The following FSIP1 variants were observed in gnomAD, a reference collection of about 807,000 sequenced individuals.
The protein encoded by FSIP1 is fibrous sheath interacting protein 1.
Under a neutral mutation model 60.9 loss-of-function variants are expected in FSIP1, and 65 were observed. That is an observed-to-expected ratio of 1.07 (90% CI 0.87 to 1.31). The LOEUF (loss-of-function observed/expected upper bound fraction) is 1.31. FSIP1 is among the 40% of genes most tolerant of loss of function. The pLI is 0.00. For synonymous variants in FSIP1, 209 were observed against 221.2 expected (o/e 0.94, Z 0.49); for missense variants, 675 against 665.5 (o/e 1.01, Z -0.16).
intron 10 of FSIP1, among the ~76,000 whole-genome samples, chr15:39,623,793 C>A (rs1177115075): frequency 1.3e-5 from 2 of 152,148 alleles, no homozygotes; most frequent in African/African-American, 4.8e-5. Flanking sequence ...AACCACCAGG[C>A]ACCAGTCATG....
intron 10 of FSIP1, among the ~76,000 whole-genome samples, chr15:39,689,756 AG>A (rs1339132969): frequency 1.1e-4 from 16 of 152,262 alleles, no homozygotes; most frequent in African/African-American, 3.9e-4. Flanking sequence ...AATAATAGTA[AG>A]ATTAGTTATC....
chr15:39,703,143 C>T (rs375728693), intron 10 of FSIP1, among the ~76,000 whole-genome samples: 1 of 152,026 alleles, frequency 6.6e-6, no homozygotes, highest in Non-Finnish European at 1.5e-5. Flanking sequence ...CCACCACACC[C>T]GGCTAATTTT....
intron 11 of FSIP1, among the ~76,000 whole-genome samples, chr15:39,606,476 C>T (rs1233632589): frequency 6.6e-6 from 1 of 152,140 alleles, no homozygotes; most frequent in Non-Finnish European, 1.5e-5. Flanking sequence ...ACATTCAAAA[C>T]CTTCTCTTCT....
chr15:39,731,136 T>C (rs73395265), intron 8 of FSIP1, among the ~76,000 whole-genome samples: 2,541 of 152,274 alleles, frequency 0.017, 70 homozygotes, highest in African/African-American at 0.055. Context: ...AGGATTATGA[T>C]ATAGTCATAA....
intron 9 of FSIP1, among the ~76,000 whole-genome samples, chr15:39,719,122 G>A (rs1187530497): frequency 6.6e-6 from 1 of 152,174 alleles, no homozygotes; most frequent in Non-Finnish European, 1.5e-5. Flanking sequence ...CCAAGAGGGG[G>A]CAAGAAAAGG....
chr15:39,672,733 A>T (rs544272477), intron 10 of FSIP1, among the ~76,000 whole-genome samples: 10 of 152,328 alleles, frequency 6.6e-5, no homozygotes, highest in African/African-American at 2.4e-4. Flanking sequence ...TCTGAAGACC[A>T]CATAGCTGGT....
Position 39,687,135 on chromosome 15 carries a change from TCC to T in FSIP1, c.1188+26307_1188+26308del, listed in dbSNP as rs368389703. 7.7e-4 allele frequency among the ~76,000 whole-genome samples: 66 copies of T among 85,960 alleles called. 4 individuals carry two copies. Among genetic ancestry groups the T allele is most frequent in the African/African-American group, 1.7e-3 (35 of 20,406 alleles). The allele number at this position is 85,960 out of a possible 152,430, so 56.4% of individuals were successfully genotyped here. A position where few individuals can be genotyped will look rare whatever the true frequency, so the allele number is the denominator to read the frequency against. ...TCACCTTTCTTTCTTTCTTTTCTTT[TCC>T]TTTTTTTTTTTTTTTTTTTTTTTTT... On this transcript the variant is annotated intron_variant, in intron 10 of 11. Coordinates refer to ENST00000350221, the MANE Select transcript of FSIP1 (RefSeq NM_152597.5).
intron 11 of FSIP1, among the ~76,000 whole-genome samples, chr15:39,610,039 T>A (rs1354698784): frequency 6.6e-6 from 1 of 152,040 alleles, no homozygotes; most frequent in Non-Finnish European, 1.5e-5. Flanking sequence ...TTTCCTCAAA[T>A]GTGTAGACAA....
chr15:39,763,673 T>C, intron 5 of FSIP1, 148 bp downstream of exon 5: 1 of 559,654 alleles, frequency 1.8e-6, no homozygotes, highest in East Asian at 2.9e-5. Context: ...TTTCATATAA[T>C]CCTACCTAAT....
chr15:39,727,917 T>G (rs1444309981), intron 8 of FSIP1, among the ~76,000 whole-genome samples: 1 of 152,198 alleles, frequency 6.6e-6, no homozygotes, highest in African/African-American at 2.4e-5. Flanking sequence ...CTCCTATATT[T>G]GACAAACAAC....
At position 39,632,748 on chromosome 15, in the gene FSIP1, G is replaced by A. The variant is rs915600284; in HGVS notation, c.1189-14503C>T. On this transcript the variant is annotated intron_variant, in intron 10 of 11. Coordinates refer to ENST00000350221, the MANE Select transcript of FSIP1 (RefSeq NM_152597.5). Reference sequence around the variant, plus strand: ...TCAGAGGTTGCAGTGAGCCGAGATCGGCCACTGCACTCCAACCTGGTGACA... The same window carrying A: ...TCAGAGGTTGCAGTGAGCCGAGATCAGCCACTGCACTCCAACCTGGTGACA... 4.6e-5 allele frequency among the ~76,000 whole-genome samples: 7 copies of A among 151,954 alleles called. No individual in the cohort carries two copies. In the South Asian group the frequency reaches 6.2e-4, roughly 14 times the overall value.
chr15:39,679,840 A>G (rs16969556), intron 10 of FSIP1, among the ~76,000 whole-genome samples: 4,916 of 152,270 alleles, frequency 0.032, 257 homozygotes, highest in African/African-American at 0.11. Context: ...ACTTGTCACA[A>G]ATGCAAATTT....
At chr15:39,655,950 T>G (rs1417589214) in intron 10 of FSIP1, among the ~76,000 whole-genome samples, 1 of 152,016 alleles carries the variant, frequency 6.6e-6, no homozygotes, top group Non-Finnish European at 1.5e-5. Context: ...AAAAGAAGTG[T>G]TCAGGAAGAA....
At chr15:39,751,418 A>AACACACACACACACACACACAC (rs3065153) in intron 5 of FSIP1, among the ~76,000 whole-genome samples, 3 of 144,754 alleles carry the variant, frequency 2.1e-5, no homozygotes, top group Non-Finnish European at 4.6e-5. Context: ...GTAATACATA[A>AACACACACACACACACACACAC]ACACACACAC....
At chr15:39,602,948 G>A (rs536703559) in intron 11 of FSIP1, among the ~76,000 whole-genome samples, 5 of 152,196 alleles carry the variant, frequency 3.3e-5, no homozygotes, top group East Asian at 1.9e-4. Context: ...CTAGAACAAC[G>A]GTCCTCAACT....
At position 39,690,366 on chromosome 15, in the gene FSIP1, C is replaced by T. The variant is rs139667125; in HGVS notation, c.1188+23078G>A. Among the ~76,000 whole-genome samples the T allele has an allele frequency of 5.1e-3, 783 of 152,244 alleles. 7 individuals carry two copies. The highest frequency in any genetic ancestry group is 0.018 in the African/African-American group (735 of 41,530). On this transcript the variant is annotated intron_variant, in intron 10 of 11. Coordinates refer to ENST00000350221, the MANE Select transcript of FSIP1 (RefSeq NM_152597.5). ...AGAAGGAGCAGTTAATGTGGTAAGA[C>T]AGAGATAAAGGATTTGAAAGACATT...
chr15:39,720,583 A>G (rs1895916528), intron 9 of FSIP1, among the ~76,000 whole-genome samples: 1 of 152,246 alleles, frequency 6.6e-6, no homozygotes, highest in Non-Finnish European at 1.5e-5. Flanking sequence ...CTTGTATATA[A>G]CAGCCAAATG....
chr15:39,603,613 G>C (rs573631249), intron 11 of FSIP1, among the ~76,000 whole-genome samples: 3 of 152,324 alleles, frequency 2.0e-5, no homozygotes, highest in South Asian at 2.1e-4. Flanking sequence ...ACTCAAGGGA[G>C]GGTCCCAGGG....
chr15:39,759,683 T>A (rs1897426851), intron 5 of FSIP1, among the ~76,000 whole-genome samples: 1 of 152,184 alleles, frequency 6.6e-6, no homozygotes, highest in South Asian at 2.1e-4. Context: ...AGAATCAAGA[T>A]GTCAGCAGGG....
Sources: allele counts gnomAD v4.1 joint callset (sites outside exome capture counted in the v4.1 genomes callset), GRCh38; gene constraint gnomAD v4.1.1; transcripts MANE v1.5; gene names NCBI Gene and HGNC (gene_info 2026-07-23, HGNC 2026-07-21).